Variants in CCDC158 observed in about 807,000 individuals in gnomAD.
CCDC158 encodes the protein coiled-coil domain-containing protein 158.
CCDC158 carries 116 observed loss-of-function variants against 138.6 expected under a neutral mutation model. That is an observed-to-expected ratio of 0.84 (90% CI 0.72 to 0.98). CCDC158 has a LOEUF of 0.98. Ranked by LOEUF, CCDC158 falls within the 50% of genes least tolerant of loss-of-function variation. The pLI is 0.00. For missense variants in CCDC158, 1,265 were observed against 1,306.1 expected (o/e 0.97, Z 0.48); for synonymous variants, 436 against 442.4 (o/e 0.99, Z 0.18).
At chr4:76,361,788 A>G (rs1419590786) in intron 13 of CCDC158, among the ~76,000 whole-genome samples, 1 of 152,324 alleles carries the variant, frequency 6.6e-6, no homozygotes, top group East Asian at 1.9e-4. Context: ...TTCCACTTTC[A>G]TAAACACAAA....
chr4:76,379,387 T>G lies in CCDC158; in HGVS notation c.932A>C (p.Gln311Pro). Residue 311 changes from glutamine (Q) to proline (P), a missense_variant, in exon 9 of 25, where the codon CAA becomes CCA. By Grantham distance (76) the Gln-to-Pro change is moderately conservative (BLOSUM62 -1). Coordinates refer to ENST00000682701, the MANE Select transcript of CCDC158 (RefSeq NM_001394954.1). ...MEIIQEQARN[Q>P]NSMYMRQLSD... ...GAGCTGACGCATATACATAGAGTTTTGGTTTCTTGCTTGCTCTCTAAGAAG... is the reference window on the plus strand; with the variant it reads ...GAGCTGACGCATATACATAGAGTTTGGGTTTCTTGCTTGCTCTCTAAGAAG... 1 of 1,600,038 alleles carries G rather than the reference T, an allele frequency of 6.2e-7. No individual in the cohort carries two copies. Among genetic ancestry groups the G allele is most frequent in the Non-Finnish European group, 8.5e-7 (1 of 1,175,034 alleles).
At chr4:76,401,507 G>C (rs1374473089) in intron 3 of CCDC158, 2 of 238,156 alleles carry the variant, frequency 8.4e-6, no homozygotes, top group Non-Finnish European at 1.7e-5. Flanking sequence ...TGGCAACTAA[G>C]AGAAGCAAGC....
chr4:76,369,625 T>TA lies in CCDC158; in HGVS notation c.1150-3dup, dbSNP rs1560436857. On this transcript the variant is annotated splice_region_variant and splice_polypyrimidine_tract_variant and intron_variant, in intron 10 of 24. Transcript: ENST00000682701. ...CTTCTCCCTTTTGTGTAGATCAGCCTAAAAAAAGAGAGGAATGCTTTTTTC... is the reference window on the plus strand; with the variant it reads ...CTTCTCCCTTTTGTGTAGATCAGCCTAAAAAAAAGAGAGGAATGCTTTTTTC... 1.9e-6 allele frequency: 3 copies of TA among 1,611,182 alleles called. No homozygotes were observed. The African/African-American group carries it at 4.0e-5, about 22-fold the overall frequency.
intron 23 of CCDC158, 141 bp from the exon 24 acceptor site, chr4:76,323,550 C>G: frequency 1.7e-6 from 1 of 579,498 alleles, no homozygotes; most frequent in Non-Finnish European, 3.0e-6. Flanking sequence ...AGCTATAACA[C>G]TTAAAGGAAA....
chr4:76,382,573 A>C, intron 8 of CCDC158, 37 bp downstream of exon 8: 1 of 1,212,548 alleles, frequency 8.2e-7, no homozygotes, highest in Non-Finnish European at 1.2e-6. Context: ...ATATCTTTAA[A>C]ATGAAGATGA....
chr4:76,347,680 C>A (rs1722690221), intron 18 of CCDC158, among the ~76,000 whole-genome samples: 1 of 151,966 alleles, frequency 6.6e-6, no homozygotes, highest in Admixed American at 6.6e-5. Context: ...ACGTTCTGCA[C>A]ATGTATCCCA....
rs780658722 is a variant in CCDC158 at position 76,384,249 on chromosome 4, T to C, written c.565A>G (p.Ile189Val). The stretch of plus-strand genomic sequence containing the variant: ...TCAAAGTCAACTAGGATTGACCGGA[T>C]TTCTTGAAGCACTCCCTCATGACTA... Reference protein sequence around the residue: ...MLSHEGVLQEIRSILVDFEEA... With the variant: ...MLSHEGVLQEVRSILVDFEEA... Residue 189 changes from isoleucine (I) to valine (V), a missense_variant, in exon 6 of 25, where the codon ATC becomes GTC. Transcript: ENST00000682701. 21 of 1,614,034 alleles carry C rather than the reference T, an allele frequency of 1.3e-5. No individual in the cohort carries two copies. The highest frequency in any genetic ancestry group is 1.7e-5 in the Non-Finnish European group (20 of 1,180,008).
At chr4:76,391,279 T>C (rs1352761219) in intron 4 of CCDC158, among the ~76,000 whole-genome samples, 1 of 151,928 alleles carries the variant, frequency 6.6e-6, no homozygotes, top group Non-Finnish European at 1.5e-5. Context: ...CATTAGGTCA[T>C]AAAACAAGTC....
chr4:76,373,386 A>G (rs934737422), intron 9 of CCDC158, among the ~76,000 whole-genome samples: 3 of 152,342 alleles, frequency 2.0e-5, no homozygotes, highest in South Asian at 2.1e-4. Flanking sequence ...TCATGTCTGC[A>G]TAAATGGTGC....
At chr4:76,364,570 T>C (rs1165734294) in intron 12 of CCDC158, among the ~76,000 whole-genome samples, 1 of 152,246 alleles carries the variant, frequency 6.6e-6, no homozygotes, top group Non-Finnish European at 1.5e-5. Flanking sequence ...TTAAATAAAA[T>C]GTTATTAAAA....
chr4:76,334,061 C>T lies in CCDC158; in HGVS notation c.2771G>A (p.Ser924Asn). ...TGTTCTTCCATCTTCCTCTGTCTTG[C>T]TCAGAGACACAGCTGGCTCCTCATT... ...VINEEPAVSLSKTEEDGRTSL... is the reference protein window; with the variant it reads ...VINEEPAVSLNKTEEDGRTSL... The change falls in exon 19 of 25, where the codon AGC becomes AAC. Residue 924 changes from serine to asparagine, a missense_variant. Transcript: ENST00000682701. 2 of 1,613,858 alleles carry T rather than the reference C, an allele frequency of 1.2e-6. No homozygotes were observed. Among genetic ancestry groups the T allele is most frequent in the South Asian group, 2.2e-5 (2 of 91,058 alleles).
At chr4:76,334,595 C>T (rs565447068) in intron 18 of CCDC158, among the ~76,000 whole-genome samples, 1 of 152,300 alleles carries the variant, frequency 6.6e-6, no homozygotes, top group African/African-American at 2.4e-5. Context: ...AGTTAATCTA[C>T]TCCCCACATC....
chr4:76,317,585 G>C (rs886744191), intron 24 of CCDC158, among the ~76,000 whole-genome samples: 1 of 152,078 alleles, frequency 6.6e-6, no homozygotes, highest in Non-Finnish European at 1.5e-5. Context: ...AAGACAGAAA[G>C]TCAACAACAA....
intron 15 of CCDC158, among the ~76,000 whole-genome samples, chr4:76,354,233 C>CAAAAAAAAAAAAAAAAAAAAAAAAAGAA (rs749565764): frequency 1.6e-5 from 1 of 63,938 alleles, no homozygotes; most frequent in Non-Finnish European, 2.9e-5. Flanking sequence ...TTCCCAAAGG[C>CAAAAAAAAAAAAAAAAAAAAAAAAAGAA]AAAAAAAAAA....
At position 76,403,155 on chromosome 4, in the gene CCDC158, C is replaced by A. The variant is rs1377366884; in HGVS notation, c.53G>T (p.Gly18Val). 1 of 1,605,524 alleles carries A rather than the reference C, an allele frequency of 6.2e-7. No homozygotes were observed. The highest frequency in any genetic ancestry group is 1.3e-5 in the African/African-American group (1 of 74,452). ...SNNEDLLSSS[G>V]VTSNGGSSSS... ...GCACATACCTCCATTAGATGTGACA[C>A]CACTACTTGATAAAAGATCTTCATT... is the stretch of plus-strand genomic sequence containing the variant. Residue 18 changes from glycine to valine, a missense_variant, in exon 3 of 25, where the codon GGT becomes GTT. Coordinates refer to ENST00000682701, the MANE Select transcript of CCDC158 (RefSeq NM_001394954.1).
At chr4:76,388,081 C>T (rs1378411593) in intron 4 of CCDC158, among the ~76,000 whole-genome samples, 1 of 151,918 alleles carries the variant, frequency 6.6e-6, no homozygotes, top group Non-Finnish European at 1.5e-5. Context: ...GCAGTGATAC[C>T]CTGAGAGTAT....
chr4:76,375,373 T>G (rs1445000578), intron 9 of CCDC158: 2 of 444,332 alleles, frequency 4.5e-6, no homozygotes, highest in Non-Finnish European at 7.9e-6. Context: ...GTGGTGGTGT[T>G]TTCTGTTTTT....
chr4:76,401,028 C>A (rs899310896), intron 3 of CCDC158, among the ~76,000 whole-genome samples: 45 of 152,096 alleles, frequency 3.0e-4, no homozygotes, highest in Admixed American at 8.5e-4. Flanking sequence ...TTAAAAAAAA[C>A]CCAGCGGTGC....
chr4:76,357,162 A>G (rs974949293), intron 14 of CCDC158, among the ~76,000 whole-genome samples: 2 of 152,240 alleles, frequency 1.3e-5, no homozygotes, highest in African/African-American at 2.4e-5. Context: ...AGATTCAGAT[A>G]GTTTAGGGAT....
Sources: allele counts gnomAD v4.1 joint callset (sites outside exome capture counted in the v4.1 genomes callset), GRCh38; gene constraint gnomAD v4.1.1; transcripts MANE v1.5; gene names NCBI Gene and HGNC (gene_info 2026-07-23, HGNC 2026-07-21).